Variants in ABCC4 observed in about 807,000 individuals in gnomAD.
ABCC4 encodes the protein ATP binding cassette subfamily C member 4 (PEL blood group), also known as ATP-binding cassette sub-family C member 4.
Under a neutral mutation model 168.5 loss-of-function variants are expected in ABCC4, and 102 were observed. That is an observed-to-expected ratio of 0.61 (90% CI 0.52 to 0.71). The LOEUF (loss-of-function observed/expected upper bound fraction) is 0.71, where lower values mean the gene tolerates loss of function less well. Ranked by LOEUF, ABCC4 falls within the 30% of genes least tolerant of loss-of-function variation. The pLI, the probability that ABCC4 is intolerant of heterozygous loss-of-function variation, is 0.00. For missense variants in ABCC4, 1,402 were observed against 1,605.8 expected (o/e 0.87, Z 2.17); for synonymous variants, 617 against 590.7 (o/e 1.04, Z -0.65).
At chr13:95,294,383 A>G (rs2041474581) in intron 1 of ABCC4, among the ~76,000 whole-genome samples, 2 of 151,896 alleles carry the variant, frequency 1.3e-5, no homozygotes, top group Non-Finnish European at 2.9e-5. Flanking sequence ...ACAAGAAACC[A>G]AGACCATGCC....
chr13:95,059,264 C>A (rs867460304), intron 26 of ABCC4, among the ~76,000 whole-genome samples: 2 of 152,192 alleles, frequency 1.3e-5, no homozygotes, highest in Non-Finnish European at 2.9e-5. Context: ...GCTCTCTGTG[C>A]CTCAGTTTGA....
chr13:95,081,819 G>C (rs1035297578), intron 21 of ABCC4, among the ~76,000 whole-genome samples: 1 of 151,896 alleles, frequency 6.6e-6, no homozygotes, highest in Non-Finnish European at 1.5e-5. Context: ...TGGCCAACAT[G>C]GTGAAACCCC....
intron 19 of ABCC4, among the ~76,000 whole-genome samples, chr13:95,121,303 T>C (rs28717975): frequency 1.3e-5 from 2 of 152,238 alleles, no homozygotes; most frequent in South Asian, 4.1e-4. Flanking sequence ...TGAAGGGATC[T>C]TCTAAATTCT....
At chr13:95,291,940 C>T (rs888137898) in intron 1 of ABCC4, among the ~76,000 whole-genome samples, 5 of 140,168 alleles carry the variant, frequency 3.6e-5, no homozygotes, top group Non-Finnish European at 6.0e-5. Flanking sequence ...AGTGAAACTC[C>T]ATTTAAAGAA....
chr13:95,242,671 C>T (rs2039980440), intron 3 of ABCC4, among the ~76,000 whole-genome samples: 1 of 152,126 alleles, frequency 6.6e-6, no homozygotes. Context: ...AGGCATAAGC[C>T]ACCATGCCTG....
intron 19 of ABCC4, among the ~76,000 whole-genome samples, chr13:95,142,899 TATA>T (rs1397322047): frequency 6.6e-6 from 1 of 151,988 alleles, no homozygotes; most frequent in African/African-American, 2.4e-5. Flanking sequence ...GCCAAAAAAA[TATA>T]ATAATAAGAA....
At chr13:95,069,700 T>C (rs1330771466) in intron 25 of ABCC4, among the ~76,000 whole-genome samples, 1 of 152,212 alleles carries the variant, frequency 6.6e-6, no homozygotes, top group Admixed American at 6.5e-5. Context: ...TGGAACCTTA[T>C]AGCACCGTCC....
Position 95,218,438 on chromosome 13 carries a change from T to A in ABCC4, c.532-7657A>T, listed in dbSNP as rs537542452. ...AAATTTAAGGAGATGAAAATGTCCA[T>A]CCAAAATCAACAACCTGTATGTTCT... On this transcript the variant is annotated intron_variant, in intron 4 of 30. Coordinates refer to ENST00000645237, the MANE Select transcript of ABCC4 (RefSeq NM_005845.5). Among the ~76,000 whole-genome samples, 23 of 152,326 alleles carry A rather than the reference T, an allele frequency of 1.5e-4. No individual in the cohort carries two copies. In the East Asian group the frequency reaches 3.5e-3, roughly 23 times the overall value.
At chr13:95,119,466 G>C (rs1452471481) in intron 19 of ABCC4, among the ~76,000 whole-genome samples, 2 of 152,116 alleles carry the variant, frequency 1.3e-5, no homozygotes, top group African/African-American at 4.8e-5. Flanking sequence ...AAGCTCCTTT[G>C]AAGTCATAAT....
intron 27 of ABCC4, among the ~76,000 whole-genome samples, 164 bp downstream of exon 27, chr13:95,052,931 A>G (rs1337526460): frequency 6.6e-6 from 1 of 152,238 alleles, no homozygotes; most frequent in African/African-American, 2.4e-5. Context: ...TTTCATCATC[A>G]TCAGTATACA....
chr13:95,230,557 G>A (rs926860876), intron 4 of ABCC4, among the ~76,000 whole-genome samples: 4 of 152,148 alleles, frequency 2.6e-5, no homozygotes, highest in Admixed American at 6.5e-5. Flanking sequence ...TGAGCAGATC[G>A]CGAGGTCAGT....
chr13:95,048,681 T>G (rs10219913), intron 27 of ABCC4, among the ~76,000 whole-genome samples: 1 of 152,116 alleles, frequency 6.6e-6, no homozygotes, highest in Admixed American at 6.5e-5. Context: ...TATGGTGTCC[T>G]GAATACAAGA....
chr13:95,112,521 T>TC (rs1378703817), intron 20 of ABCC4, among the ~76,000 whole-genome samples: 1 of 152,200 alleles, frequency 6.6e-6, no homozygotes, highest in African/African-American at 2.4e-5. Flanking sequence ...ACCTAACTTT[T>TC]CTGTGGATTT....
intron 11 of ABCC4, among the ~76,000 whole-genome samples, chr13:95,181,551 C>T (rs1174800488): frequency 1.3e-5 from 2 of 152,208 alleles, no homozygotes; most frequent in African/African-American, 4.8e-5. Flanking sequence ...TATTCTGCCT[C>T]TTAATGTTTA....
intron 8 of ABCC4, among the ~76,000 whole-genome samples, chr13:95,202,643 A>ATTT (rs1329027186): frequency 4.7e-5 from 4 of 84,716 alleles, no homozygotes; most frequent in Non-Finnish European, 7.8e-5. Flanking sequence ...AAGAATGTGC[A>ATTT]CTTTTTTTTT....
intron 1 of ABCC4, among the ~76,000 whole-genome samples, chr13:95,290,399 C>T (rs1467289644): frequency 1.3e-5 from 2 of 152,070 alleles, no homozygotes; most frequent in Middle Eastern, 3.2e-3. Flanking sequence ...GCACCAAGAG[C>T]CAGCTTGTGT....
chr13:95,167,907 C>T (rs2037337300), intron 14 of ABCC4, among the ~76,000 whole-genome samples: 1 of 152,100 alleles, frequency 6.6e-6, no homozygotes, highest in Non-Finnish European at 1.5e-5. Context: ...CAGTCTGTTG[C>T]CCAGGCTGGA....
intron 11 of ABCC4, among the ~76,000 whole-genome samples, chr13:95,178,893 C>A (rs1344534914): frequency 6.6e-6 from 1 of 152,040 alleles, no homozygotes; most frequent in Non-Finnish European, 1.5e-5. Flanking sequence ...AAGGTAGCAC[C>A]TATAGGATCT....
chr13:95,213,668 T>A (rs34989831), intron 4 of ABCC4, among the ~76,000 whole-genome samples: 2 of 152,074 alleles, frequency 1.3e-5, no homozygotes, highest in East Asian at 3.9e-4. Context: ...GAAGGCTATG[T>A]CTTAGTAATA....
Sources: allele counts gnomAD v4.1 joint callset (sites outside exome capture counted in the v4.1 genomes callset), GRCh38; gene constraint gnomAD v4.1.1; transcripts MANE v1.5; gene names NCBI Gene and HGNC (gene_info 2026-07-23, HGNC 2026-07-21).